Variants in NRXN1 observed in about 807,000 individuals in gnomAD.
NRXN1 encodes neurexin 1, also known as neurexin-1.
NRXN1 carries 39 observed loss-of-function variants against 150.9 expected under a neutral mutation model. The observed-to-expected ratio is 0.26, with a 90% confidence interval of 0.20 to 0.34. The LOEUF is 0.34. NRXN1 is among the 10% of genes least tolerant of loss of function. The pLI, the probability that NRXN1 is intolerant of heterozygous loss-of-function variation, is 1.00. For synonymous variants in NRXN1, 924 were observed against 757.0 expected, an observed-to-expected ratio of 1.22 and a Z score of -3.62; for missense variants, 1,815 against 1,949.9, an observed-to-expected ratio of 0.93 and a Z score of 1.30.
intron 17 of NRXN1, among the ~76,000 whole-genome samples, chr2:50,423,872 A>G (rs1416512304): frequency 2.6e-5 from 4 of 152,134 alleles, no homozygotes; most frequent in Non-Finnish European, 4.4e-5. Flanking sequence ...AGCCAGCCAG[A>G]CCAGCAGCTG....
At chr2:50,166,128 A>G (rs971857074) in intron 18 of NRXN1, among the ~76,000 whole-genome samples, 5 of 152,192 alleles carry the variant, frequency 3.3e-5, no homozygotes, top group Admixed American at 2.0e-4. Flanking sequence ...GACACTCAAA[A>G]GAAATGCTCA....
At chr2:50,027,871 C>T (rs1473888158) in intron 21 of NRXN1, among the ~76,000 whole-genome samples, 2 of 152,106 alleles carry the variant, frequency 1.3e-5, no homozygotes, top group Admixed American at 1.3e-4. Context: ...TGGGAAGCCT[C>T]CTTATACCTT....
chr2:50,755,524 C>T (rs1701063502), intron 5 of NRXN1, among the ~76,000 whole-genome samples: 1 of 151,714 alleles, frequency 6.6e-6, no homozygotes, highest in African/African-American at 2.4e-5. Context: ...AGCCTGTGAT[C>T]CACAAAAGAC....
chr2:49,963,202 C>T (rs1293320589), intron 21 of NRXN1, among the ~76,000 whole-genome samples: 2 of 152,062 alleles, frequency 1.3e-5, no homozygotes, highest in Non-Finnish European at 2.9e-5. Flanking sequence ...TTCCTTTTAA[C>T]GTCACAGAAT....
intron 18 of NRXN1, among the ~76,000 whole-genome samples, chr2:50,169,372 T>G (rs1363707742): frequency 6.6e-6 from 1 of 152,056 alleles, no homozygotes; most frequent in Non-Finnish European, 1.5e-5. Flanking sequence ...GGAAGTTTCT[T>G]GGGTAAGTTT....
At chr2:50,237,042 G>C (rs2065515365) in intron 17 of NRXN1, 72 bp from the exon 18 acceptor site, 1 of 1,390,916 alleles carries the variant, frequency 7.2e-7, no homozygotes, top group Non-Finnish European at 1.0e-6. Flanking sequence ...ATGTTATATT[G>C]ATATATCAGT....
At chr2:50,368,182 T>C (rs2079739231) in intron 17 of NRXN1, among the ~76,000 whole-genome samples, 1 of 151,986 alleles carries the variant, frequency 6.6e-6, no homozygotes, top group Non-Finnish European at 1.5e-5. Context: ...AAAATTTACC[T>C]AGGAAGATTC....
intron 5 of NRXN1, among the ~76,000 whole-genome samples, chr2:50,640,363 A>T (rs1225926917): frequency 6.6e-6 from 1 of 152,200 alleles, no homozygotes; most frequent in African/African-American, 2.4e-5. Context: ...ATGGTTCTTT[A>T]AACTAAAATT....
chr2:50,571,027 C>T (rs532584312), intron 8 of NRXN1, among the ~76,000 whole-genome samples: 3 of 152,100 alleles, frequency 2.0e-5, no homozygotes, highest in Non-Finnish European at 2.9e-5. Context: ...TAAACAAAAA[C>T]TCTTTGAGAA....
intron 17 of NRXN1, among the ~76,000 whole-genome samples, chr2:50,280,222 G>A (rs527794575): frequency 6.9e-6 from 1 of 144,072 alleles, no homozygotes; most frequent in Admixed American, 6.9e-5. Context: ...AGCTTGCAGT[G>A]AGCCGAGATC....
intron 17 of NRXN1, among the ~76,000 whole-genome samples, chr2:50,443,866 T>C (rs939394565): frequency 2.0e-5 from 3 of 152,200 alleles, no homozygotes; most frequent in Non-Finnish European, 4.4e-5. Context: ...TCTGTGGGGA[T>C]TTTTTTCTGT....
chr2:50,329,577 TAGTGTGTG>T lies in NRXN1; in HGVS notation c.3365-92615_3365-92608del, dbSNP rs1370277928. ...TAGATTAAACTATCATATATAACAG[TAGTGTGTG>T]TGTGTGTGTGTGTGTGTGTGTGTGT... On this transcript the variant is annotated intron_variant, in intron 17 of 22. Coordinates refer to ENST00000401669, the MANE Select transcript of NRXN1 (RefSeq NM_001330078.2). Among the ~76,000 whole-genome samples the T allele has an allele frequency of 3.5e-3, 194 of 55,354 alleles. 4 individuals are homozygous for T. The highest frequency in any genetic ancestry group is 0.015 in the African/African-American group (178 of 11,700). The allele number at this position is 55,354 out of a possible 152,430, so 36.3% of individuals were successfully genotyped here. A position where few individuals can be genotyped will look rare whatever the true frequency, so the allele number is the denominator to read the frequency against.
intron 17 of NRXN1, among the ~76,000 whole-genome samples, chr2:50,382,045 G>A (rs1263657542): frequency 1.3e-5 from 2 of 152,142 alleles, no homozygotes; most frequent in African/African-American, 4.8e-5. Flanking sequence ...GCAAGGCCCA[G>A]AGTAGAGCAG....
intron 8 of NRXN1, among the ~76,000 whole-genome samples, chr2:50,561,578 A>G (rs1185524026): frequency 2.6e-5 from 4 of 152,196 alleles, no homozygotes; most frequent in African/African-American, 7.2e-5. Context: ...AAAAAAGAAC[A>G]AGGAACAAAC....
intron 17 of NRXN1, among the ~76,000 whole-genome samples, chr2:50,305,485 GA>G: frequency 6.6e-6 from 1 of 152,156 alleles, no homozygotes; most frequent in East Asian, 1.9e-4. Context: ...ACACATACCA[GA>G]AACAAGAAAA....
intron 21 of NRXN1, among the ~76,000 whole-genome samples, chr2:49,963,932 T>C (rs1448867559): frequency 6.6e-6 from 1 of 152,176 alleles, no homozygotes; most frequent in Non-Finnish European, 1.5e-5. Context: ...TGCTGTAACA[T>C]ACCCAGGCCC....
chr2:50,963,771 T>C (rs1182778084), intron 2 of NRXN1, among the ~76,000 whole-genome samples: 1 of 151,666 alleles, frequency 6.6e-6, no homozygotes. Flanking sequence ...TCATGAAGAA[T>C]GTATATCTTC....
At chr2:50,733,122 T>G (rs1430430726) in intron 5 of NRXN1, among the ~76,000 whole-genome samples, 4 of 152,264 alleles carry the variant, frequency 2.6e-5, no homozygotes, top group African/African-American at 9.6e-5. Flanking sequence ...ATACTATAAA[T>G]AAGCATTTAA....
intron 2 of NRXN1, among the ~76,000 whole-genome samples, chr2:50,946,416 T>A (rs1057171261): frequency 6.6e-6 from 1 of 152,150 alleles, no homozygotes. Context: ...CAAATGTGTA[T>A]CTATTGAGAT....
Sources: allele counts gnomAD v4.1 joint callset (sites outside exome capture counted in the v4.1 genomes callset), GRCh38; gene constraint gnomAD v4.1.1; transcripts MANE v1.5; gene names NCBI Gene and HGNC (gene_info 2026-07-23, HGNC 2026-07-21).